Variants in FRMPD4 observed in about 807,000 individuals in gnomAD.
The protein encoded by FRMPD4 is FERM and PDZ domain containing 4.
Under a neutral mutation model 94.1 loss-of-function variants are expected in FRMPD4, and 22 were observed. The ratio of observed to expected loss-of-function variants is 0.23; its 90% CI spans 0.17 to 0.33. The LOEUF is 0.33. FRMPD4 is among the 10% of genes least tolerant of loss of function. The pLI is 1.00. For missense variants in FRMPD4, 1,111 were observed against 1,339.9 expected (o/e 0.83, Z 2.67); for synonymous variants, 631 against 548.6 (o/e 1.15, Z -2.10).
intron 3 of FRMPD4, among the ~76,000 whole-genome samples, chrX:11,955,148 G>T (rs191537294): frequency 1.7e-4 from 19 of 110,930 alleles, no homozygotes; most frequent in Non-Finnish European, 1.7e-4. Context: ...TTTGATAAAG[G>T]CCCAATCATG....
At position 12,671,804 on chromosome X, in the gene FRMPD4, A is replaced by T. The variant is rs955498582; in HGVS notation, c.423-3059A>T. ...CACGCAGGTCTTGGAGGGTGCAATC[A>T]TAAGACAACTATATTCTTTCCCCGC... On this transcript the variant is annotated intron_variant, in intron 4 of 16. Coordinates refer to ENST00000675598, the MANE Select transcript of FRMPD4 (RefSeq NM_001368397.1). 1.7e-4 allele frequency among the ~76,000 whole-genome samples: 19 copies of T among 111,388 alleles called. 1 individual carries two copies. Among genetic ancestry groups the T allele is most frequent in the Admixed American group, 1.5e-3 (16 of 10,492 alleles).
chrX:12,562,553 A>T, intron 2 of FRMPD4, among the ~76,000 whole-genome samples: 1 of 112,712 alleles, frequency 8.9e-6, no homozygotes, highest in Non-Finnish European at 1.9e-5. Flanking sequence ...GTGCAAAAGA[A>T]GTACAAAGTG....
intron 1 of FRMPD4, among the ~76,000 whole-genome samples, chrX:12,349,024 G>T (rs1330746540): frequency 8.9e-6 from 1 of 111,957 alleles, no homozygotes; most frequent in Non-Finnish European, 1.9e-5. Context: ...ATAAATGGGG[G>T]AGGCAGATGG....
chrX:12,227,251 T>C (rs1011205350), intron 1 of FRMPD4, among the ~76,000 whole-genome samples: 1 of 110,797 alleles, frequency 9.0e-6, no homozygotes, highest in African/African-American at 3.3e-5. Context: ...GGATGCCTGG[T>C]AGTGTATCGC....
chrX:12,679,824 A>G (rs1037324636), intron 5 of FRMPD4, among the ~76,000 whole-genome samples: 1 of 111,370 alleles, frequency 9.0e-6, no homozygotes, highest in African/African-American at 3.3e-5. Flanking sequence ...GTGCCTTAGT[A>G]ACAGCGAATG....
At chrX:12,205,660 C>A (rs980330163) in intron 1 of FRMPD4, among the ~76,000 whole-genome samples, 1 of 112,101 alleles carries the variant, frequency 8.9e-6, no homozygotes, top group Non-Finnish European at 1.9e-5. Context: ...GGAATCACCT[C>A]TCCCTCTATA....
chrX:12,266,809 G>A (rs755459363), intron 1 of FRMPD4, among the ~76,000 whole-genome samples: 4 of 112,206 alleles, frequency 3.6e-5, no homozygotes, highest in Admixed American at 2.8e-4. Context: ...TATATTCAGA[G>A]TAGCCTATAG....
chrX:12,165,467 T>C (rs1272309095), intron 1 of FRMPD4, among the ~76,000 whole-genome samples: 1 of 111,851 alleles, frequency 8.9e-6, no homozygotes, highest in Non-Finnish European at 1.9e-5. Flanking sequence ...GTAGTATAGT[T>C]TGAAGTCAGG....
At chrX:12,586,271 C>T (rs2058927781) in intron 2 of FRMPD4, among the ~76,000 whole-genome samples, 1 of 112,850 alleles carries the variant, frequency 8.9e-6, no homozygotes, top group African/African-American at 3.2e-5. Context: ...TTAGGACCTC[C>T]ACCAACCACC....
chrX:12,549,193 A>T (rs1259505937), intron 2 of FRMPD4, among the ~76,000 whole-genome samples: 1 of 112,255 alleles, frequency 8.9e-6, no homozygotes, highest in East Asian at 2.8e-4. Flanking sequence ...GCTTCTAGCC[A>T]GAAGTGTGTC....
intron 1 of FRMPD4, among the ~76,000 whole-genome samples, chrX:12,177,766 G>C (rs2056312422): frequency 1.8e-5 from 2 of 112,084 alleles, no homozygotes; most frequent in Non-Finnish European, 3.8e-5. Context: ...GTGAACAAAA[G>C]AGATAAGAAT....
At position 12,159,386 on chromosome X, in the gene FRMPD4, G is replaced by T. The variant is rs1484153119; in HGVS notation, c.41+20374G>T. ...GCCGTGAATAAGAGAAACTGGTCTG[G>T]TGACTAGCTCATCAGTCTCTGCCAC... On this transcript the variant is annotated intron_variant, in intron 1 of 16. Transcript: ENST00000675598. Among the ~76,000 whole-genome samples the T allele has an allele frequency of 2.7e-5, 3 of 112,014 alleles. 1 individual carries two copies. The highest frequency in any genetic ancestry group is 7.6e-4 in the South Asian group (2 of 2,637).
chrX:12,034,700 T>C (rs1363803072), intron 3 of FRMPD4, among the ~76,000 whole-genome samples: 1 of 112,308 alleles, frequency 8.9e-6, no homozygotes, highest in African/African-American at 3.2e-5. Context: ...CCCTGTAGTC[T>C]AACCATTCAA....
At chrX:12,576,960 T>C (rs187653474) in intron 2 of FRMPD4, among the ~76,000 whole-genome samples, 3 of 111,896 alleles carry the variant, frequency 2.7e-5, no homozygotes, top group African/African-American at 9.7e-5. Flanking sequence ...ATTCCTGAAT[T>C]CCATGATAGT....
At chrX:12,539,944 TAAAGA>T (rs1234598567) in intron 2 of FRMPD4, among the ~76,000 whole-genome samples, 1 of 111,770 alleles carries the variant, frequency 8.9e-6, no homozygotes, top group East Asian at 2.8e-4. Flanking sequence ...TCAACATTCT[TAAAGA>T]AAAGGATTTT....
chrX:12,091,308 C>T (rs1180102284), intron 3 of FRMPD4, among the ~76,000 whole-genome samples: 1 of 111,769 alleles, frequency 8.9e-6, no homozygotes, highest in African/African-American at 3.3e-5. Flanking sequence ...CAAGGAGCAA[C>T]AAACTTTGTC....
At chrX:12,571,391 C>T (rs185917451) in intron 2 of FRMPD4, among the ~76,000 whole-genome samples, 1 of 112,591 alleles carries the variant, frequency 8.9e-6, no homozygotes, top group Non-Finnish European at 1.9e-5. Flanking sequence ...ACCTGCAACA[C>T]GACAATGGCT....
At chrX:12,371,198 C>T in intron 1 of FRMPD4, among the ~76,000 whole-genome samples, 1 of 112,907 alleles carries the variant, frequency 8.9e-6, no homozygotes, top group East Asian at 2.8e-4. Flanking sequence ...TTTGTAGTAT[C>T]TGTATTTCTT....
intron 1 of FRMPD4, among the ~76,000 whole-genome samples, chrX:11,833,127 A>T (rs2053483916): frequency 8.9e-6 from 1 of 112,291 alleles, no homozygotes; most frequent in South Asian, 3.6e-4. Flanking sequence ...TTCACTGAGT[A>T]ACATGCATTT....
Sources: gnomAD v4.1 joint callset for allele counts (sites outside exome capture counted in the v4.1 genomes callset) on GRCh38, gnomAD v4.1.1 for gene constraint, MANE v1.5 for transcripts, NCBI Gene and HGNC (gene_info 2026-07-23, HGNC 2026-07-21) for gene names.